MYO5A: variants seen among roughly 807,000 people sequenced by gnomAD.
The protein encoded by MYO5A is unconventional myosin-Va.
A neutral mutation model predicts 249.7 loss-of-function variants in MYO5A; 98 were observed. That is an observed-to-expected ratio of 0.39 (90% CI 0.33 to 0.46). The LOEUF is 0.46. Among genes scored for constraint, MYO5A ranks in the 20% least tolerant of loss-of-function variants. The pLI is 0.98. For synonymous variants in MYO5A, 778 were observed against 810.6 expected (o/e 0.96, Z 0.68); for missense variants, 1,696 against 2,308.8 (o/e 0.73, Z 5.44).
At chr15:52,525,373 A>T (rs2077712376) in intron 1 of MYO5A, among the ~76,000 whole-genome samples, 2 of 152,238 alleles carry the variant, frequency 1.3e-5, no homozygotes, top group Admixed American at 6.5e-5. Flanking sequence ...GTATCCCAAG[A>T]ACCTAGCTAT....
intron 5 of MYO5A, among the ~76,000 whole-genome samples, chr15:52,414,179 G>A (rs1252509095): frequency 6.6e-6 from 1 of 152,078 alleles, no homozygotes; most frequent in Non-Finnish European, 1.5e-5. Context: ...AAGTCGGGAG[G>A]CCCTCAGGTT....
At chr15:52,333,426 ATT>A (rs2140966945) in intron 34 of MYO5A, among the ~76,000 whole-genome samples, 1 of 152,276 alleles carries the variant, frequency 6.6e-6, no homozygotes, top group East Asian at 1.9e-4. Context: ...CTGTGGGAAA[ATT>A]TGACACAAAG....
At chr15:52,367,219 AC>A in intron 22 of MYO5A, 95 bp from the exon 23 acceptor site, 1 of 1,048,638 alleles carries the variant, frequency 9.5e-7, no homozygotes, top group Non-Finnish European at 1.4e-6. Flanking sequence ...CCTTACTTCC[AC>A]CACCTCTGTG....
chr15:52,385,167 T>G (rs2041923555), intron 14 of MYO5A, among the ~76,000 whole-genome samples: 1 of 152,186 alleles, frequency 6.6e-6, no homozygotes, highest in African/African-American at 2.4e-5. Flanking sequence ...TATGTACATA[T>G]CTTTACAACA....
chr15:52,380,228 G>A (rs1018788078), intron 16 of MYO5A, among the ~76,000 whole-genome samples: 3 of 152,180 alleles, frequency 2.0e-5, no homozygotes, highest in African/African-American at 2.4e-5. Context: ...CTGAGGTCAG[G>A]AGTTCAAGAC....
At chr15:52,348,015 T>C (rs1331713319) in intron 29 of MYO5A, among the ~76,000 whole-genome samples, 5 of 152,232 alleles carry the variant, frequency 3.3e-5, no homozygotes, top group Admixed American at 2.6e-4. Flanking sequence ...GGTATGGTTG[T>C]GAACTTTTAG....
At chr15:52,459,260 T>TA (rs1350170371) in intron 1 of MYO5A, among the ~76,000 whole-genome samples, 2 of 148,146 alleles carry the variant, frequency 1.4e-5, no homozygotes, top group East Asian at 2.1e-4. Context: ...GGTCAGCAGA[T>TA]AAACATGTGA....
intron 18 of MYO5A, 120 bp from the exon 19 acceptor site, chr15:52,376,678 C>T (rs938203047): frequency 4.2e-5 from 40 of 946,422 alleles, no homozygotes; most frequent in Non-Finnish European, 6.1e-5. Flanking sequence ...ACTTGGGCTA[C>T]ATCACAATTA....
At chr15:52,345,390 T>C (rs2039570797) in intron 30 of MYO5A, among the ~76,000 whole-genome samples, 1 of 152,070 alleles carries the variant, frequency 6.6e-6, no homozygotes, top group Non-Finnish European at 1.5e-5. Context: ...GGGACGACCC[T>C]GGCCAACATG....
rs764883819 is a variant in MYO5A at position 52,376,399 on chromosome 15, G to T, written c.2368C>A (p.Arg790=). ...WLLRKKYLRM[R]KAAITMQRYV... Reference sequence around the variant, plus strand: ...CTCTGCATGGTGATGGCTGCCTTCCGCATGCGTAGGTACTTCTTTCTCAGC... The same window carrying T: ...CTCTGCATGGTGATGGCTGCCTTCCTCATGCGTAGGTACTTCTTTCTCAGC... The change falls in exon 19 of 42, where the codon CGG becomes AGG. Residue 790 remains arginine (R), a synonymous_variant. Coordinates refer to ENST00000399233, the MANE Select transcript of MYO5A (RefSeq NM_001382347.1). 2.5e-6 allele frequency: 4 copies of T among 1,614,068 alleles called. No individual in the cohort carries two copies. Among genetic ancestry groups the T allele is most frequent in the African/African-American group, 1.3e-5 (1 of 75,008 alleles).
intron 2 of MYO5A, 78 bp downstream of exon 2, chr15:52,433,097 G>T: frequency 9.3e-7 from 1 of 1,076,462 alleles, no homozygotes; most frequent in Non-Finnish European, 1.4e-6. Context: ...TCCATTGGGA[G>T]TTTACTTCAC....
At chr15:52,512,531 T>C (rs2141624450) in intron 1 of MYO5A, among the ~76,000 whole-genome samples, 1 of 152,006 alleles carries the variant, frequency 6.6e-6, no homozygotes, top group East Asian at 1.9e-4. Context: ...TATATATATA[T>C]ATAGGGAAAA....
At chr15:52,395,743 G>A (rs1383831875) in intron 11 of MYO5A, among the ~76,000 whole-genome samples, 2 of 152,130 alleles carry the variant, frequency 1.3e-5, no homozygotes, top group Non-Finnish European at 2.9e-5. Flanking sequence ...TCTGGGCTCT[G>A]TGTCCTTCAC....
At chr15:52,420,424 G>C (rs2043730825) in intron 4 of MYO5A, among the ~76,000 whole-genome samples, 1 of 151,772 alleles carries the variant, frequency 6.6e-6, no homozygotes, top group Admixed American at 6.6e-5. Flanking sequence ...GAAAGAATGA[G>C]CTTGGCCCCC....
intron 2 of MYO5A, among the ~76,000 whole-genome samples, chr15:52,430,634 TC>T (rs1338932209): frequency 3.9e-5 from 6 of 152,206 alleles, no homozygotes; most frequent in Non-Finnish European, 8.8e-5. Flanking sequence ...TTGACCCCTG[TC>T]CCTAGTCTTG....
intron 1 of MYO5A, among the ~76,000 whole-genome samples, chr15:52,486,924 G>A (rs2076833695): frequency 6.6e-6 from 1 of 152,212 alleles, no homozygotes; most frequent in Admixed American, 6.5e-5. Flanking sequence ...AGCTAGAAAT[G>A]TCAGCATAAG....
At chr15:52,330,775 G>A (rs558073551) in intron 34 of MYO5A, among the ~76,000 whole-genome samples, 1 of 151,880 alleles carries the variant, frequency 6.6e-6, no homozygotes, top group Non-Finnish European at 1.5e-5. Flanking sequence ...ATGTAATAAG[G>A]CTTACTTTTT....
intron 34 of MYO5A, among the ~76,000 whole-genome samples, chr15:52,334,002 C>G (rs554563261): frequency 4.1e-4 from 63 of 152,316 alleles, no homozygotes; most frequent in African/African-American, 1.4e-3. Context: ...TCACTTAACT[C>G]AAAATGTAAC....
chr15:52,418,985 C>T (rs1351022281), intron 4 of MYO5A, among the ~76,000 whole-genome samples: 3 of 152,198 alleles, frequency 2.0e-5, no homozygotes, highest in African/African-American at 4.8e-5. Flanking sequence ...CTTCCAAGAT[C>T]ATCAACTTGT....
Sources: allele counts gnomAD v4.1 joint callset (sites outside exome capture counted in the v4.1 genomes callset), GRCh38; gene constraint gnomAD v4.1.1; transcripts MANE v1.5; gene names NCBI Gene and HGNC (gene_info 2026-07-23, HGNC 2026-07-21).